KLB: variants seen among roughly 807,000 people sequenced by gnomAD.
KLB encodes the protein klotho beta.
KLB carries 44 observed loss-of-function variants against 88.4 expected under a neutral mutation model. That is an observed-to-expected ratio of 0.50 (90% CI 0.39 to 0.64). KLB has a LOEUF of 0.64. KLB is among the 30% of genes least tolerant of loss of function. The probability of loss-of-function intolerance (pLI) is 0.00; values close to 1 mark genes in which losing one functional copy is unlikely to be tolerated. For synonymous variants in KLB, 548 were observed against 513.4 expected (o/e 1.07, Z -0.91); for missense variants, 1,137 against 1,304.8 (o/e 0.87, Z 1.98).
rs1208799191 is a variant in KLB, at chr4:39,446,117, G to C, written c.1606-215G>C. On this transcript the variant is annotated intron_variant, in intron 3 of 4. Coordinates refer to ENST00000257408, the MANE Select transcript of KLB (RefSeq NM_175737.4). This position sits in a 1 kb window ranked among gnomAD's most constrained non-coding sequence, Gnocchi z 6.4. Reference sequence around the variant, plus strand: ...TTAAAGTTAAATGAACTGGAAAATGGCTTCCCAATGTTTTCTCAAACAACT... The same window carrying C: ...TTAAAGTTAAATGAACTGGAAAATGCCTTCCCAATGTTTTCTCAAACAACT... Among the ~76,000 whole-genome samples the C allele has an allele frequency of 2.0e-5, 3 of 152,164 alleles. No individual in the cohort carries two copies. The highest frequency in any genetic ancestry group is 2.9e-5 in the Non-Finnish European group (2 of 68,028).
intron 1 of KLB, among the ~76,000 whole-genome samples, chr4:39,433,885 A>AAAATCAC (rs1400896923): frequency 2.0e-5 from 3 of 152,050 alleles, no homozygotes; most frequent in African/African-American, 7.2e-5. Flanking sequence ...TAAAAAATAA[A>AAAATCAC]AAATCACTGC....
chr4:39,410,668 C>T (rs1742819116), intron 1 of KLB, among the ~76,000 whole-genome samples: 1 of 152,162 alleles, frequency 6.6e-6, no homozygotes, highest in Admixed American at 6.5e-5. Context: ...TCTTCCTTCT[C>T]CTGCCCCCTT....
At chr4:39,411,411 C>T (rs1742844400) in intron 1 of KLB, among the ~76,000 whole-genome samples, 1 of 145,130 alleles carries the variant, frequency 6.9e-6, no homozygotes, top group South Asian at 2.2e-4. Flanking sequence ...GCTATCTCGG[C>T]TCACTGCAAG....
At position 39,407,590 on chromosome 4, in the gene KLB, T is replaced by C; in HGVS notation, c.641T>C (p.Ile214Thr). The change falls in exon 1 of 5, where the codon ATA becomes ACA. Residue 214 changes from isoleucine to threonine, a missense_variant. Transcript: ENST00000257408. ...TATGGGGGGTGGAAAAATGATACCATAATAGATATCTTCAATGACTATGCC... is the reference window on the plus strand; with the variant it reads ...TATGGGGGGTGGAAAAATGATACCACAATAGATATCTTCAATGACTATGCC... ...EKYGGWKNDT[I>T]IDIFNDYATY... 2 of 1,614,152 alleles carry C rather than the reference T, an allele frequency of 1.2e-6. No homozygotes were observed. Among genetic ancestry groups the C allele is most frequent in the Non-Finnish European group, 1.7e-6 (2 of 1,179,982 alleles).
intron 1 of KLB, among the ~76,000 whole-genome samples, chr4:39,427,405 C>T (rs1246467155): frequency 6.6e-6 from 1 of 150,588 alleles, no homozygotes; most frequent in African/African-American, 2.4e-5. Context: ...ATCACTTTAA[C>T]CCAGGAGGCA....
chr4:39,407,850 T>G, intron 1 of KLB, 76 bp downstream of exon 1: 1 of 848,028 alleles, frequency 1.2e-6, no homozygotes, highest in South Asian at 3.2e-5. Flanking sequence ...GCCTCAGTAA[T>G]TCTCTTCACT....
intron 2 of KLB, among the ~76,000 whole-genome samples, chr4:39,435,178 T>A (rs1164649580): frequency 2.0e-5 from 3 of 148,100 alleles, no homozygotes; most frequent in Non-Finnish European, 3.0e-5. Context: ...AGTGCAACAG[T>A]GCAATCTTGG....
chr4:39,428,883 T>A (rs1185498481), intron 1 of KLB, among the ~76,000 whole-genome samples: 1 of 152,078 alleles, frequency 6.6e-6, no homozygotes, highest in Non-Finnish European at 1.5e-5. Flanking sequence ...AATTTTTGTA[T>A]TTTTAGTAGA....
chr4:39,448,485 G>C lies in KLB; in HGVS notation c.2934G>C (p.Gln978His). Reference sequence around the variant, plus strand: ...AGAACAGTAGTTCTAGATGCAGTCAGACCCAAGAAAATACAGAGTGCACTG... The same window carrying C: ...AGAACAGTAGTTCTAGATGCAGTCACACCCAAGAAAATACAGAGTGCACTG... ...PFENSSSRCS[Q>H]TQENTECTVC... Residue 978 changes from glutamine to histidine, a missense_variant, in exon 5 of 5, where the codon CAG (glutamine) becomes CAC (histidine). By Grantham distance (24) the Gln-to-His change is conservative. This residue lies in a region of KLB where 426 missense variants were observed against 404.6 expected (regional missense o/e 1.05). Transcript: ENST00000257408. The C allele has an allele frequency of 4.3e-6, 7 of 1,614,162 alleles. No homozygotes were observed. Among genetic ancestry groups the C allele is most frequent in the Non-Finnish European group, 5.9e-6 (7 of 1,179,994 alleles).
intron 1 of KLB, among the ~76,000 whole-genome samples, chr4:39,417,093 TG>T (rs1172095980): frequency 4.4e-4 from 19 of 42,720 alleles, no homozygotes; most frequent in African/African-American, 1.1e-3. Flanking sequence ...TTTCTTTAAT[TG>T]AAAAAAAGGA....
rs748905173 is a variant in KLB at position 39,406,966 on chromosome 4, C to A, written c.17C>A (p.Ala6Glu). 3 of 1,609,322 alleles carry A rather than the reference C, an allele frequency of 1.9e-6. No individual in the cohort carries two copies. Among genetic ancestry groups the A allele is most frequent in the Non-Finnish European group, 2.5e-6 (3 of 1,176,640 alleles). The part of the protein sequence containing the change: MKPGC[A>E]AGSPGNEWIF... ...TGGTGGCAAATGAAGCCAGGCTGTG[C>A]GGCAGGATCTCCAGGGAATGAATGG... The change falls in exon 1 of 5, where the codon GCG becomes GAG. Residue 6 changes from alanine to glutamate, a missense_variant. This residue lies in a region of KLB where 111 missense variants were observed against 118.3 expected (regional missense o/e 0.94). Transcript: ENST00000257408.
At chr4:39,443,652 T>C (rs1445948086) in intron 3 of KLB, among the ~76,000 whole-genome samples, 1 of 149,154 alleles carries the variant, frequency 6.7e-6, no homozygotes, top group Non-Finnish European at 1.5e-5. Context: ...TCCCAGCTAC[T>C]TGGGAGGCGG....
At chr4:39,430,915 G>GT (rs76141581) in intron 1 of KLB, among the ~76,000 whole-genome samples, 81,901 of 141,656 alleles carry the variant, frequency 0.58, 25,493 homozygotes, top group East Asian at 0.71. Flanking sequence ...CGGTTGGAAA[G>GT]TTTTTTTTTT....
rs1329342179 is a variant in KLB, at chr4:39,432,276, ACT to A, written c.826-1931_826-1930del. 3.3e-5 allele frequency among the ~76,000 whole-genome samples: 5 copies of A among 151,398 alleles called. No homozygotes were observed. The East Asian group carries it at 5.8e-4, about 18-fold the overall frequency. ...ATTCCAGCCTGGGTGACAGAGCAAGACTCTGTCTCAAAGAAAAAAAAAACAAC... is the reference window on the plus strand; with the variant it reads ...ATTCCAGCCTGGGTGACAGAGCAAGACTGTCTCAAAGAAAAAAAAAACAAC... On this transcript the variant is annotated intron_variant, in intron 1 of 4. Transcript: ENST00000257408.
rs1314128557 is a variant in KLB at position 39,446,982 on chromosome 4, C to T, written c.2256C>T (p.Pro752=). ...LHADWAEPAN[P]YADSHWRAAE... ...CGGACTGGGCGGAACCCGCCAACCC[C>T]TATGCTGACTCGCACTGGAGGGCGG... Residue 752 remains proline (P), a synonymous_variant, in exon 4 of 5, where the codon CCC becomes CCT. Transcript: ENST00000257408. The surrounding 1 kb of genome is among the most constrained non-coding windows in gnomAD (Gnocchi z 6.4). 6.2e-7 allele frequency: 1 copy of T among 1,608,958 alleles called. No homozygotes were observed. Among genetic ancestry groups the T allele is most frequent in the Non-Finnish European group, 8.5e-7 (1 of 1,179,922 alleles).
intron 1 of KLB, among the ~76,000 whole-genome samples, chr4:39,424,754 T>A (rs1413560548): frequency 1.3e-5 from 2 of 151,908 alleles, no homozygotes; most frequent in South Asian, 2.1e-4. Flanking sequence ...TCAGCCTCCC[T>A]GGTAGCTGGG....
chr4:39,433,951 G>A, intron 1 of KLB, among the ~76,000 whole-genome samples: 1 of 152,176 alleles, frequency 6.6e-6, no homozygotes, highest in East Asian at 1.9e-4. Flanking sequence ...AGAGGGCCCA[G>A]GAAGGGAGCC....
chr4:39,451,504 G>A lies in KLB; in HGVS notation c.*2818G>A, dbSNP rs1200524874. ...CAATGTAATTTATTCCAAATAAACT[G>A]GTTCATGCTGACCACTTGTATTCAA... is the stretch of plus-strand genomic sequence containing the variant. On this transcript the variant is annotated 3_prime_UTR_variant, in exon 5 of 5. Coordinates refer to ENST00000257408, the MANE Select transcript of KLB (RefSeq NM_175737.4). 6.6e-6 allele frequency: 1 copy of A among 152,216 alleles called. No individual in the cohort carries two copies. Among genetic ancestry groups the A allele is most frequent in the African/African-American group, 2.4e-5 (1 of 41,468 alleles). The allele number at this position is 152,216 out of a possible 1,614,324, so 9.4% of individuals were successfully genotyped here.
chr4:39,418,581 G>T (rs1743012172), intron 1 of KLB, among the ~76,000 whole-genome samples: 1 of 151,764 alleles, frequency 6.6e-6, no homozygotes. Flanking sequence ...ATTAGCTAAG[G>T]CATGGTACCT....
Sources: allele counts gnomAD v4.1 joint callset (sites outside exome capture counted in the v4.1 genomes callset), GRCh38; gene constraint gnomAD v4.1.1; regional missense constraint gnomAD v4.1.1; non-coding constraint Gnocchi (gnomAD v3.1); transcripts MANE v1.5; gene names NCBI Gene and HGNC (gene_info 2026-07-23, HGNC 2026-07-21).